TWIST2: variants seen among roughly 807,000 people sequenced by gnomAD.
TWIST2 encodes the protein twist family bHLH transcription factor 2.
A neutral mutation model predicts 11.6 loss-of-function variants in TWIST2; 1 was observed. The ratio of observed to expected loss-of-function variants is 0.09; its 90% confidence interval spans 0.03 to 0.41. The LOEUF (loss-of-function observed/expected upper bound fraction) is 0.41. Ranked by LOEUF, TWIST2 falls within the 10% of genes least tolerant of loss-of-function variation. TWIST2 has a pLI of 0.98. For missense variants in TWIST2, 168 were observed against 226.4 expected, an observed-to-expected ratio of 0.74 and a Z score of 1.66; for synonymous variants, 87 against 96.6, an observed-to-expected ratio of 0.90 and a Z score of 0.58.
At position 238,850,427 on chromosome 2, in the gene TWIST2, TAAG is replaced by T. The variant is rs542890046; in HGVS notation, c.*35+1697_*35+1699del. On this transcript the variant is annotated intron_variant, in intron 1 of 1. Coordinates refer to ENST00000612363, the MANE Select transcript of TWIST2 (RefSeq NM_001271893.4). ...TTCATGGTTTATAGCACATCTGAAA[TAAG>T]AACAAACAGATGAGGAATGTCATCT... Among the ~76,000 whole-genome samples the T allele has an allele frequency of 1.2e-3, 188 of 152,260 alleles. 7 individuals carry two copies. In the South Asian group the frequency reaches 0.035, roughly 29 times the overall value.
intron 1 of TWIST2, among the ~76,000 whole-genome samples, chr2:238,903,478 G>C (rs1693304503): frequency 7.9e-6 from 1 of 126,162 alleles, no homozygotes; most frequent in Non-Finnish European, 1.7e-5. Flanking sequence ...TGATGTGTGT[G>C]CATGATGTGA....
Position 238,863,038 on chromosome 2 carries a change from T to C in TWIST2, c.*35+14305T>C, listed in dbSNP as rs1574749819. 9.6e-6 allele frequency among the ~76,000 whole-genome samples: 1 copy of C among 103,806 alleles called. No homozygotes were observed. Among genetic ancestry groups the C allele is most frequent in the Admixed American group, 9.0e-5 (1 of 11,148 alleles). 68.1% of individuals were successfully genotyped at this position (103,806 alleles called of 152,430 possible). On this transcript the variant is annotated intron_variant, in intron 1 of 1. Coordinates refer to ENST00000612363, the MANE Select transcript of TWIST2 (RefSeq NM_001271893.4). The surrounding 1 kb of genome is among the most constrained non-coding windows in gnomAD (Gnocchi z 4.7). ...ATGAAAGAGCTTCCTTTCCTTCTTA[T>C]GTTTTTTTTTTTTTAATTTCTAGAT...
At position 238,872,537 on chromosome 2, in the gene TWIST2, C is replaced by T. The variant is rs188187214; in HGVS notation, c.*35+23804C>T. 2.7e-3 allele frequency among the ~76,000 whole-genome samples: 410 copies of T among 152,272 alleles called. 2 individuals are homozygous for T. The highest frequency in any genetic ancestry group is 9.4e-3 in the African/African-American group (391 of 41,554). On this transcript the variant is annotated intron_variant, in intron 1 of 1. Transcript: ENST00000612363. ...TTGGCCAACGCTGTGCAGGGAAGGG[C>T]GATGCTCTTTCTTTTCCAAGAATTG... is the stretch of plus-strand genomic sequence containing the variant.
intron 1 of TWIST2, among the ~76,000 whole-genome samples, chr2:238,901,127 C>G (rs1693264497): frequency 6.6e-6 from 1 of 151,974 alleles, no homozygotes; most frequent in Admixed American, 6.6e-5. Flanking sequence ...CAGGTGTGTG[C>G]CAACCATGCT....
rs548060504 is a variant in TWIST2, at chr2:238,864,729, C to T, written c.*35+15996C>T. ...CACTGCCCTGGGGTCCACCCTGCCG[C>T]GGGGTCCACTTGGTATAGGCACCCA... On this transcript the variant is annotated intron_variant, in intron 1 of 1. Coordinates refer to ENST00000612363, the MANE Select transcript of TWIST2 (RefSeq NM_001271893.4). This position sits in a 1 kb window ranked among gnomAD's most constrained non-coding sequence, Gnocchi z 4.7. Among the ~76,000 whole-genome samples the T allele has an allele frequency of 1.2e-3, 188 of 152,226 alleles. 1 individual carries two copies. Among genetic ancestry groups the T allele is most frequent in the African/African-American group, 4.2e-3 (175 of 41,554 alleles).
chr2:238,871,352 C>T (rs1171854497), intron 1 of TWIST2, among the ~76,000 whole-genome samples: 1 of 64,980 alleles, frequency 1.5e-5, no homozygotes, highest in East Asian at 9.8e-4. Context: ...CCACACCCCA[C>T]ACACACAGTA....
rs1269769343 is a variant in TWIST2, at chr2:238,866,305, G to A, written c.*35+17572G>A. The stretch of plus-strand genomic sequence containing the variant: ...TTTCACCCTGTACCCAGCACTTGGA[G>A]CAGTTGCCAGTAAGAACAGGGGTGA... On this transcript the variant is annotated intron_variant, in intron 1 of 1. Coordinates refer to ENST00000612363, the MANE Select transcript of TWIST2 (RefSeq NM_001271893.4). This position sits in a 1 kb window ranked among gnomAD's most constrained non-coding sequence, Gnocchi z 4.9. Among the ~76,000 whole-genome samples the A allele has an allele frequency of 2.0e-5, 3 of 152,236 alleles. No homozygotes were observed. The highest frequency in any genetic ancestry group is 6.5e-5 in the Admixed American group (1 of 15,290).
At chr2:238,878,525 T>C (rs1278522664) in intron 1 of TWIST2, among the ~76,000 whole-genome samples, 1 of 152,218 alleles carries the variant, frequency 6.6e-6, no homozygotes, top group African/African-American at 2.4e-5. Context: ...TCCTGGTGAT[T>C]GTCAGAGGCC....
At chr2:238,878,966 G>A (rs949124214) in intron 1 of TWIST2, among the ~76,000 whole-genome samples, 2 of 152,232 alleles carry the variant, frequency 1.3e-5, no homozygotes, top group Non-Finnish European at 2.9e-5. Flanking sequence ...TAATTGTGCA[G>A]AAGGGCTCAA....
chr2:238,906,887 G>GA lies in TWIST2; in HGVS notation c.*36-2955_*36-2954insA, dbSNP rs1693363046. 4.4e-4 allele frequency among the ~76,000 whole-genome samples: 67 copies of GA among 152,352 alleles called. No individual in the cohort carries two copies. In the South Asian group the frequency reaches 0.014, roughly 31 times the overall value. On this transcript the variant is annotated intron_variant, in intron 1 of 1. Transcript: ENST00000612363. Reference sequence around the variant, plus strand: ...GAGGAGGGTCTCGTTGCGCTGGTTTGCCCCTTGGCTCAGGGGAGTTCTCCA... The same window carrying GA: ...GAGGAGGGTCTCGTTGCGCTGGTTTGACCCCTTGGCTCAGGGGAGTTCTCCA...
chr2:238,878,557 C>T (rs139366719), intron 1 of TWIST2, among the ~76,000 whole-genome samples: 3,410 of 152,264 alleles, frequency 0.022, 143 homozygotes, highest in African/African-American at 0.078. Context: ...ACAAGGGTCA[C>T]CTCTCGCCAC....
At chr2:238,907,598 G>A (rs1432818396) in intron 1 of TWIST2, among the ~76,000 whole-genome samples, 1 of 152,062 alleles carries the variant, frequency 6.6e-6, no homozygotes, top group Admixed American at 6.5e-5. Context: ...AGGGGACCTT[G>A]TGGGGCTGGA....
intron 1 of TWIST2, among the ~76,000 whole-genome samples, chr2:238,853,382 GGAGAGAGAGA>G (rs374173009): frequency 1.4e-5 from 2 of 139,976 alleles, no homozygotes; most frequent in Non-Finnish European, 3.1e-5. Context: ...GAGGAGGGAG[GGAGAGAGAGA>G]GAGAGAGAGA....
intron 1 of TWIST2, among the ~76,000 whole-genome samples, chr2:238,905,944 CGCGCGCGTGTGTACGTGT>C (rs1427289742): frequency 0.38 from 54,190 of 140,996 alleles, 9,929 homozygotes; most frequent in Middle Eastern, 0.53. Flanking sequence ...CGTGTGTGTG[CGCGCGCGTGTGTACGTGT>C]GCGTGTGTGT....
chr2:238,885,392 C>A (rs1693015616), intron 1 of TWIST2, among the ~76,000 whole-genome samples: 1 of 152,238 alleles, frequency 6.6e-6, no homozygotes, highest in African/African-American at 2.4e-5. Context: ...TGTGGCTTTA[C>A]AGTGCACATT....
At chr2:238,874,340 T>G (rs1692766121) in intron 1 of TWIST2, among the ~76,000 whole-genome samples, 1 of 152,238 alleles carries the variant, frequency 6.6e-6, no homozygotes, top group Non-Finnish European at 1.5e-5. Flanking sequence ...TGTGGGCATC[T>G]TAATTTCACG....
At chr2:238,896,873 C>T (rs955312172) in intron 1 of TWIST2, among the ~76,000 whole-genome samples, 3 of 152,188 alleles carry the variant, frequency 2.0e-5, no homozygotes, top group Non-Finnish European at 2.9e-5. Context: ...AGCTTCCACC[C>T]GGAGCCCACA....
chr2:238,894,520 C>T (rs1343844099), intron 1 of TWIST2, among the ~76,000 whole-genome samples: 2 of 152,232 alleles, frequency 1.3e-5, no homozygotes, highest in African/African-American at 4.8e-5. Flanking sequence ...GCCCAGGCCC[C>T]ACCTCGGGGT....
intron 1 of TWIST2, among the ~76,000 whole-genome samples, chr2:238,859,894 T>C (rs1033333773): frequency 6.6e-6 from 1 of 152,176 alleles, no homozygotes; most frequent in Admixed American, 6.5e-5. Context: ...TCTTGAAGCC[T>C]CTCCACAGTA....
Sources: allele counts gnomAD v4.1 joint callset (sites outside exome capture counted in the v4.1 genomes callset), GRCh38; gene constraint gnomAD v4.1.1; non-coding constraint Gnocchi (gnomAD v3.1); transcripts MANE v1.5; gene names NCBI Gene and HGNC (gene_info 2026-07-23, HGNC 2026-07-21).